The following RAD1 variants were observed in gnomAD, a reference collection of about 807,000 sequenced individuals.
The protein encoded by RAD1 is cell cycle checkpoint protein RAD1.
Under a neutral mutation model 30.0 loss-of-function variants are expected in RAD1, and 21 were observed. The ratio of observed to expected loss-of-function variants is 0.70; its 90% CI spans 0.50 to 1.01. The LOEUF (loss-of-function observed/expected upper bound fraction) is 1.01. Among genes scored for constraint, RAD1 ranks in the 50% least tolerant of loss-of-function variants. RAD1 has a pLI of 0.00. For synonymous variants in RAD1, 109 were observed against 113.6 expected (o/e 0.96, Z 0.26); for missense variants, 329 against 329.0 (o/e 1.00, Z 0.00).
intron 4 of RAD1, among the ~76,000 whole-genome samples, chr5:34,911,087 T>C (rs536458567): frequency 6.6e-6 from 1 of 152,352 alleles, no homozygotes; most frequent in Non-Finnish European, 1.5e-5. Flanking sequence ...TAAGCTGTTC[T>C]TCCCACAATG....
intron 2 of RAD1, among the ~76,000 whole-genome samples, chr5:34,914,298 TG>T (rs1763964782): frequency 6.6e-6 from 1 of 152,230 alleles, no homozygotes; most frequent in Non-Finnish European, 1.5e-5. Flanking sequence ...GTGGGACTGT[TG>T]GCAAATCACT....
At position 34,913,574 on chromosome 5, in the gene RAD1, C is replaced by T. The variant is rs760690210; in HGVS notation, c.203G>A (p.Gly68Glu). 1.9e-6 allele frequency: 3 copies of T among 1,566,264 alleles called. No individual in the cohort carries two copies. The South Asian group carries it at 3.5e-5, about 18-fold the overall frequency. Residue 68 changes from glycine to glutamate, a missense_variant, in exon 3 of 6, where the codon GGA becomes GAA. Physicochemically the swap from Gly to Glu is moderately conservative, Grantham distance 98. Coordinates refer to ENST00000382038, the MANE Select transcript of RAD1 (RefSeq NM_002853.4). ...CTGAACTTTAAACTCCTGAAATATT[C>T]CAGCCTATGAAAAGAGTAAAAATGA... ...CVQANAFIQAGIFQEFKVQEE... is the reference protein window; with the variant it reads ...CVQANAFIQAEIFQEFKVQEE...
intron 4 of RAD1, among the ~76,000 whole-genome samples, chr5:34,910,912 C>A (rs1763816460): frequency 6.6e-6 from 1 of 152,188 alleles, no homozygotes. Context: ...CTATCAAGAA[C>A]AGCTTTTTTG....
In RAD1 at chr5:34,909,376, C is replaced by T; in HGVS notation, c.567-20G>A. The T allele has an allele frequency of 1.3e-6, 2 of 1,490,536 alleles. No homozygotes were observed. 92.3% of individuals were successfully genotyped at this position (1,490,536 alleles called of 1,614,324 possible). ...GATAACCTATAGAAAATGATTACCTCATTTATTCATTCATCCAAAAATAAA... is the reference window on the plus strand; with the variant it reads ...GATAACCTATAGAAAATGATTACCTTATTTATTCATTCATCCAAAAATAAA... On this transcript the variant is annotated intron_variant, in intron 4 of 5. Coordinates refer to ENST00000382038, the MANE Select transcript of RAD1 (RefSeq NM_002853.4).
chr5:34,914,851 C>G lies in RAD1; in HGVS notation c.42G>C (p.Gln14His), dbSNP rs752078830. The change falls in exon 2 of 6, where the codon CAG becomes CAC. Residue 14 changes from glutamine to histidine, a missense_variant. By Grantham distance (24) the Gln-to-His change is conservative (BLOSUM62 0). Coordinates refer to ENST00000382038, the MANE Select transcript of RAD1 (RefSeq NM_002853.4). ...TGTCAAGGCTGGCCACAAGGCTGTA[C>G]TGATCATCCTCGTCTTGGATCTGTT... ...LTQQIQDEDDQYSLVASLDNV... is the reference protein window; with the variant it reads ...LTQQIQDEDDHYSLVASLDNV... 6.2e-7 allele frequency: 1 copy of G among 1,614,152 alleles called. No individual in the cohort carries two copies. Among genetic ancestry groups the G allele is most frequent in the East Asian group, 2.2e-5 (1 of 44,856 alleles).
At position 34,915,292 on chromosome 5, in the gene RAD1, A is replaced by T. The variant is rs1218838333; in HGVS notation, c.-70+124T>A. ...AGCCCCGCCTCCAACAAAACAGGCG[A>T]TGGCGGGGCGGGCCCGGAGTGTCCA... On this transcript the variant is annotated intron_variant, in intron 1 of 5. Coordinates refer to ENST00000382038, the MANE Select transcript of RAD1 (RefSeq NM_002853.4). 2.5e-5 allele frequency: 7 copies of T among 275,482 alleles called. 1 individual carries two copies. Among genetic ancestry groups the T allele is most frequent in the Admixed American group, 1.5e-4 (3 of 20,298 alleles). The allele number at this position is 275,482 out of a possible 1,614,324, so 17.1% of individuals were successfully genotyped here.
rs1398676150 is a variant in RAD1, at chr5:34,915,438, C to A, written c.-92G>T. 2 of 325,172 alleles carry A rather than the reference C, an allele frequency of 6.2e-6. No homozygotes were observed. Among genetic ancestry groups the A allele is most frequent in the East Asian group, 1.2e-4 (2 of 16,154 alleles). The allele number at this position is 325,172 out of a possible 1,614,324, so 20.1% of individuals were successfully genotyped here. A position where few individuals can be genotyped will look rare whatever the true frequency, so the allele number is the denominator to read the frequency against. On this transcript the variant is annotated 5_prime_UTR_variant, in exon 1 of 6. Transcript: ENST00000382038. ...TACCTTTGCGGTGGGGTCTGGACGC[C>A]CGAGAGCCCTTCTCAGCAAAGTCCC...
In RAD1 at chr5:34,914,806, A is replaced by G. The variant is rs774236033; in HGVS notation, c.87T>C (p.Thr29=). The G allele has an allele frequency of 3.1e-6, 5 of 1,614,236 alleles. No individual in the cohort carries two copies. The highest frequency in any genetic ancestry group is 3.3e-4 in the Middle Eastern group (2 of 6,062). Residue 29 remains threonine, a synonymous_variant, in exon 2 of 6, where the codon ACT becomes ACC. Transcript: ENST00000382038. ...CTCGGAAATGAATAGCTTTCAAGAT[A>G]GTGGAGAGATTCCTAACGTTGTCAA... The part of the protein sequence containing the change: ...ASLDNVRNLS[T]ILKAIHFREH...
chr5:34,909,466 C>G, intron 4 of RAD1, 110 bp from the exon 5 acceptor site: 2 of 692,328 alleles, frequency 2.9e-6, no homozygotes, highest in South Asian at 3.9e-5. Flanking sequence ...GTGAAACAGA[C>G]ATGTACACAA....
intron 2 of RAD1, 66 bp from the exon 3 acceptor site, chr5:34,913,644 G>A: frequency 3.1e-6 from 3 of 952,660 alleles, no homozygotes; most frequent in Non-Finnish European, 4.8e-6. Context: ...TAAGGTCCTA[G>A]ATTTCACTTT....
chr5:34,906,179 C>T lies in RAD1; in HGVS notation c.*2586G>A, dbSNP rs1763646063. The T allele has an allele frequency of 6.6e-6, 1 of 152,062 alleles. No individual in the cohort carries two copies. Among genetic ancestry groups the T allele is most frequent in the South Asian group, 2.1e-4 (1 of 4,826 alleles). 9.4% of individuals were successfully genotyped at this position (152,062 alleles called of 1,614,324 possible). A position where few individuals can be genotyped will look rare whatever the true frequency, so the allele number is the denominator to read the frequency against. On this transcript the variant is annotated 3_prime_UTR_variant, in exon 6 of 6. Coordinates refer to ENST00000382038, the MANE Select transcript of RAD1 (RefSeq NM_002853.4). Reference sequence around the variant, plus strand: ...CCATGTTGGCCAGGCTGATCTCGAACTTCCTGACCTCAGATGATCCCCCTG... The same window carrying T: ...CCATGTTGGCCAGGCTGATCTCGAATTTCCTGACCTCAGATGATCCCCCTG...
At position 34,909,291 on chromosome 5, in the gene RAD1, T is replaced by C. The variant is rs1763757364; in HGVS notation, c.632A>G (p.Glu211Gly). 1 of 1,611,120 alleles carries C rather than the reference T, an allele frequency of 6.2e-7. No homozygotes were observed. Among genetic ancestry groups the C allele is most frequent in the African/African-American group, 1.3e-5 (1 of 74,864 alleles). Residue 211 changes from glutamate to glycine, a missense_variant, in exon 5 of 6, where the codon GAA (glutamate) becomes GGA (glycine). Transcript: ENST00000382038. ...LDYPKDSDLM[E>G]AFHCNQTQVN... ...TTGGGTCTGATTACAATGAAATGCT[T>C]CCATCAAATCAGAATCTTTGGGATA... is the stretch of plus-strand genomic sequence containing the variant.
intron 1 of RAD1, among the ~76,000 whole-genome samples, 158 bp from the exon 2 acceptor site, chr5:34,915,119 TTATC>T (rs1232719600): frequency 6.6e-6 from 1 of 152,020 alleles, no homozygotes; most frequent in African/African-American, 2.4e-5. Flanking sequence ...TGGAGGAAAA[TTATC>T]TAAGCTACGG....
chr5:34,915,479 C>G lies in RAD1; in HGVS notation c.-133G>C, dbSNP rs1369497338. 2.5e-6 allele frequency: 1 copy of G among 406,440 alleles called. No individual in the cohort carries two copies. Among genetic ancestry groups the G allele is most frequent in the Non-Finnish European group, 4.4e-6 (1 of 226,976 alleles). 25.2% of individuals were successfully genotyped at this position (406,440 alleles called of 1,614,324 possible). A position where few individuals can be genotyped will look rare whatever the true frequency, so the allele number is the denominator to read the frequency against. On this transcript the variant is annotated 5_prime_UTR_variant, in exon 1 of 6. Coordinates refer to ENST00000382038, the MANE Select transcript of RAD1 (RefSeq NM_002853.4). ...GCAAAGTCCCTGAAGAGGAGCGAGGCGGCTCCGAGGAACCGCGGAGGAAGT... is the reference window on the plus strand; with the variant it reads ...GCAAAGTCCCTGAAGAGGAGCGAGGGGGCTCCGAGGAACCGCGGAGGAAGT...
chr5:34,913,911 G>T (rs1763944435), intron 2 of RAD1: 1 of 453,520 alleles, frequency 2.2e-6, no homozygotes, highest in Admixed American at 2.4e-5. Flanking sequence ...TGATACGGGG[G>T]TCTCACTATG....
chr5:34,913,502 CA>C lies in RAD1; in HGVS notation c.274del (p.Cys92ValfsTer14), dbSNP rs759245390. Reference sequence around the variant, plus strand: ...AGGACTTGATCCAAAAATAGATAAACAGTCTAAAAGGACAGTTAAATTAATT... The same window carrying C: ...AGGACTTGATCCAAAAATAGATAAACGTCTAAAAGGACAGTTAAATTAATT... ...FRINLTVLLDCLSIFGSSPMP... is the reference protein window; with the variant it reads ...FRINLTVLLDXLSIFGSSPMP... On this transcript the variant is annotated frameshift_variant, in exon 3 of 6. Transcript: ENST00000382038. LOFTEE classifies it high-confidence loss of function. 1.4e-5 allele frequency: 22 copies of C among 1,596,104 alleles called. No homozygotes were observed. In the South Asian group the frequency reaches 2.5e-4, roughly 18 times the overall value.
At chr5:34,914,350 A>G (rs1763967690) in intron 2 of RAD1, 1 of 303,380 alleles carries the variant, frequency 3.3e-6, no homozygotes, top group Non-Finnish European at 6.3e-6. Context: ...AACGGGAATA[A>G]TAACAGAACC....
At position 34,908,806 on chromosome 5, in the gene RAD1, A is replaced by G. The variant is rs766295864; in HGVS notation, c.808T>C (p.Tyr270His). The change falls in exon 6 of 6, where the codon TAC becomes CAC. Residue 270 changes from tyrosine (Y) to histidine (H), a missense_variant. Tyr to His is a moderately conservative substitution (Grantham distance 83, BLOSUM62 2). Transcript: ENST00000382038. Reference protein sequence around the residue: ...EDGQICFVEYYCCPDEEVPES... With the variant: ...EDGQICFVEYHCCPDEEVPES... ...GGAACTTCTTCATCAGGGCAGCAGT[A>G]ATATTCCACAAAACATATTTGTCCA... The G allele has an allele frequency of 8.1e-5, 130 of 1,611,144 alleles. No homozygotes were observed. Among genetic ancestry groups the G allele is most frequent in the Non-Finnish European group, 1.1e-4 (127 of 1,179,316 alleles).
In RAD1 at chr5:34,907,860, C is replaced by CA. The variant is rs41268167; in HGVS notation, c.*904dup. 1.2e-3 allele frequency: 179 copies of CA among 152,284 alleles called. No homozygotes were observed. The highest frequency in any genetic ancestry group is 4.2e-3 in the African/African-American group (173 of 41,556). 9.4% of individuals were successfully genotyped at this position (152,284 alleles called of 1,614,324 possible). A position where few individuals can be genotyped will look rare whatever the true frequency, so the allele number is the denominator to read the frequency against. ...AAATCACATGTAAAAGCAATCATCT[C>CA]ATACAATTAAATGCTATTAAAGAAA... On this transcript the variant is annotated 3_prime_UTR_variant, in exon 6 of 6. Coordinates refer to ENST00000382038, the MANE Select transcript of RAD1 (RefSeq NM_002853.4).
Sources: gnomAD v4.1 joint callset for allele counts (sites outside exome capture counted in the v4.1 genomes callset) on GRCh38, gnomAD v4.1.1 for gene constraint, MANE v1.5 for transcripts, NCBI Gene and HGNC (gene_info 2026-07-23, HGNC 2026-07-21) for gene names.